The following RAD54L2 variants were observed in gnomAD, a reference collection of about 807,000 sequenced individuals.
RAD54L2 encodes helicase ARIP4.
RAD54L2 carries 27 observed loss-of-function variants against 138.4 expected under a neutral mutation model. That is an observed-to-expected ratio of 0.20 (90% CI 0.14 to 0.27). The LOEUF is 0.27. Among genes scored for constraint, RAD54L2 ranks in the 10% least tolerant of loss-of-function variants. RAD54L2 has a pLI of 1.00. For synonymous variants in RAD54L2, 644 were observed against 723.2 expected, an observed-to-expected ratio of 0.89 and a Z score of 1.76; for missense variants, 1,396 against 1,890.2, an observed-to-expected ratio of 0.74 and a Z score of 4.85.
chr3:51,649,655 T>C (rs921857544), intron 19 of RAD54L2, among the ~76,000 whole-genome samples: 2 of 152,150 alleles, frequency 1.3e-5, no homozygotes, highest in East Asian at 3.9e-4. Flanking sequence ...ACATTCTTAA[T>C]GAAAAGAATT....
intron 10 of RAD54L2, among the ~76,000 whole-genome samples, chr3:51,636,305 G>GAGGCCATTTCAC (rs1223994704): frequency 6.6e-6 from 1 of 152,212 alleles, no homozygotes; most frequent in Non-Finnish European, 1.5e-5. Context: ...TAAGGGTTCA[G>GAGGCCATTTCAC]AGGCCATTTC....
In RAD54L2 at chr3:51,627,613, A is replaced by C. The variant is rs574447058; in HGVS notation, c.200A>C (p.Gln67Pro). The C allele has an allele frequency of 1.3e-5, 20 of 1,565,026 alleles. No homozygotes were observed. Among genetic ancestry groups the C allele is most frequent in the South Asian group, 3.5e-5 (3 of 85,116 alleles). ...EHAQLGEDGQ[Q>P]PPRCTSTTSS... ...GCCCAGTTGGGAGAAGATGGGCAGCAGCCGCCGCGGTGCACTTCAACTACC... is the reference window on the plus strand; with the variant it reads ...GCCCAGTTGGGAGAAGATGGGCAGCCGCCGCCGCGGTGCACTTCAACTACC... The change falls in exon 4 of 23, where the codon CAG becomes CCG. Residue 67 changes from glutamine (Q) to proline (P), a missense_variant. Physicochemically the swap from Gln to Pro is moderately conservative, Grantham distance 76. Transcript: ENST00000684192.
rs1488929213 is a variant in RAD54L2 at position 51,657,610 on chromosome 3, C to T, written c.3257C>T (p.Thr1086Ile). 1.3e-6 allele frequency: 2 copies of T among 1,583,822 alleles called. No homozygotes were observed. Among genetic ancestry groups the T allele is most frequent in the Admixed American group, 3.6e-5 (2 of 56,250 alleles). Residue 1086 changes from threonine to isoleucine, a missense_variant, in exon 21 of 23, where the codon ACA becomes ATA. This residue lies in a region of RAD54L2 where 634 missense variants were observed against 711.2 expected (regional missense o/e 0.89). Coordinates refer to ENST00000684192, the MANE Select transcript of RAD54L2 (RefSeq NM_015106.4). ...DIVIPGLNSS[T>I]DVQARINAGE... The stretch of plus-strand genomic sequence containing the variant: ...GTTATTCCTGGACTCAACAGCTCCA[C>T]AGATGTACAGGCAAGAATTAATGCT...
rs750325147 is a variant in RAD54L2 at position 51,645,796 on chromosome 3, T to C, written c.2829+33T>C. On this transcript the variant is annotated intron_variant, in intron 18 of 22. Transcript: ENST00000684192. This position sits in a 1 kb window ranked among gnomAD's most constrained non-coding sequence, Gnocchi z 6.1. ...CTTGGTATGCATGCAATCCCCAGAG[T>C]GGCAGTCTCTCTGTCAAAGGAGGCT... 1 of 1,569,594 alleles carries C rather than the reference T, an allele frequency of 6.4e-7. No homozygotes were observed. The highest frequency in any genetic ancestry group is 8.6e-7 in the Non-Finnish European group (1 of 1,158,160).
intron 9 of RAD54L2, 102 bp downstream of exon 9, chr3:51,634,137 A>T: frequency 7.0e-7 from 1 of 1,419,720 alleles, no homozygotes; most frequent in Non-Finnish European, 9.4e-7. Context: ...GTGCATCTAG[A>T]TTTGTTTTTG....
At position 51,662,956 on chromosome 3, in the gene RAD54L2, G is replaced by T. The variant is rs1179595704; in HGVS notation, c.3940G>T (p.Gly1314Trp). ...NLTTPFTSQAGENSLFMGSTP... is the reference protein window; with the variant it reads ...NLTTPFTSQAWENSLFMGSTP... ...CACCACCCCCTTCACCTCCCAGGCT[G>T]GGGAGAACTCCCTGTTTATGGGCAG... Residue 1314 changes from glycine to tryptophan, a missense_variant, in exon 23 of 23, where the codon GGG becomes TGG. Gly to Trp is a radical substitution (Grantham distance 184). Around this residue, in one of 7 missense-constraint regions of RAD54L2, gnomAD observed 634 missense variants for 711.2 expected, o/e 0.89. Transcript: ENST00000684192. This position sits in a 1 kb window ranked among gnomAD's most constrained non-coding sequence, Gnocchi z 4.6. 1.2e-6 allele frequency: 2 copies of T among 1,613,914 alleles called. No homozygotes were observed. The highest frequency in any genetic ancestry group is 1.7e-6 in the Non-Finnish European group (2 of 1,179,860).
intron 2 of RAD54L2, among the ~76,000 whole-genome samples, chr3:51,553,044 T>A (rs986486412): frequency 1.3e-5 from 2 of 152,170 alleles, no homozygotes. Flanking sequence ...GAGAATTTTT[T>A]GACTATTAGG....
At chr3:51,547,064 T>G (rs1426692842) in intron 2 of RAD54L2, among the ~76,000 whole-genome samples, 1 of 150,356 alleles carries the variant, frequency 6.7e-6, no homozygotes, top group Non-Finnish European at 1.5e-5. Context: ...AGTTGTTGGT[T>G]GGCCAGGTGC....
intron 2 of RAD54L2, among the ~76,000 whole-genome samples, chr3:51,578,955 G>GCC (rs1699545451): frequency 6.6e-6 from 1 of 152,156 alleles, no homozygotes; most frequent in Non-Finnish European, 1.5e-5. Context: ...TTTTATTGCT[G>GCC]ATGAAAGTGG....
At chr3:51,549,935 G>A (rs1288321176) in intron 2 of RAD54L2, among the ~76,000 whole-genome samples, 1 of 151,928 alleles carries the variant, frequency 6.6e-6, no homozygotes, top group African/African-American at 2.4e-5. Flanking sequence ...CTTGGCTCTG[G>A]TTGGTCATGG....
intron 2 of RAD54L2, among the ~76,000 whole-genome samples, chr3:51,571,667 C>A (rs557269045): frequency 6.6e-6 from 1 of 152,178 alleles, no homozygotes; most frequent in Non-Finnish European, 1.5e-5. Context: ...CATGCCTGTC[C>A]TCAAATAGCT....
intron 3 of RAD54L2, among the ~76,000 whole-genome samples, chr3:51,625,980 G>A (rs1405562532): frequency 1.3e-5 from 2 of 151,914 alleles, no homozygotes; most frequent in African/African-American, 4.8e-5. Flanking sequence ...TCCTGGATGG[G>A]GTCCTGTAAC....
At chr3:51,604,223 G>A (rs996265578) in intron 3 of RAD54L2, among the ~76,000 whole-genome samples, 6 of 152,116 alleles carry the variant, frequency 3.9e-5, no homozygotes, top group African/African-American at 1.4e-4. Context: ...TGTGGGGGAG[G>A]TACAGATGGG....
chr3:51,626,965 C>T (rs986569559), intron 3 of RAD54L2, among the ~76,000 whole-genome samples: 3 of 152,004 alleles, frequency 2.0e-5, no homozygotes, highest in Admixed American at 6.6e-5. Flanking sequence ...TTGTACATGC[C>T]CTGTCTCCCT....
chr3:51,563,896 T>G (rs966268608), intron 2 of RAD54L2, among the ~76,000 whole-genome samples: 1 of 152,230 alleles, frequency 6.6e-6, no homozygotes, highest in Non-Finnish European at 1.5e-5. Context: ...AGGTTTCTCT[T>G]AAATAATTCC....
chr3:51,644,065 A>G, intron 16 of RAD54L2, 91 bp downstream of exon 16: 1 of 990,246 alleles, frequency 1.0e-6, no homozygotes, highest in East Asian at 2.6e-5. Flanking sequence ...TTCCCTCAGA[A>G]GAGATCAGCT....
At chr3:51,584,550 C>T (rs1699672605) in intron 2 of RAD54L2, among the ~76,000 whole-genome samples, 1 of 151,118 alleles carries the variant, frequency 6.6e-6, no homozygotes, top group East Asian at 1.9e-4. Context: ...CTTTAACAGT[C>T]CATAGTGGAT....
chr3:51,549,658 A>G (rs1328275905), intron 2 of RAD54L2, among the ~76,000 whole-genome samples: 1 of 151,856 alleles, frequency 6.6e-6, no homozygotes, highest in African/African-American at 2.4e-5. Context: ...CACACCTGCA[A>G]TCCTAGCTAC....
At chr3:51,556,741 T>C (rs1698977419) in intron 2 of RAD54L2, among the ~76,000 whole-genome samples, 1 of 152,110 alleles carries the variant, frequency 6.6e-6, no homozygotes, top group African/African-American at 2.4e-5. Context: ...CATGCCCGGC[T>C]AATTTTGTAT....
Sources: gnomAD v4.1 joint callset for allele counts (sites outside exome capture counted in the v4.1 genomes callset) on GRCh38, gnomAD v4.1.1 for gene constraint, gnomAD v4.1.1 regional missense constraint, Gnocchi (gnomAD v3.1) non-coding constraint, MANE v1.5 for transcripts, NCBI Gene and HGNC (gene_info 2026-07-23, HGNC 2026-07-21) for gene names.